Variants in VIPR2 observed in about 807,000 individuals in gnomAD.
VIPR2 encodes vasoactive intestinal polypeptide receptor 2.
A neutral mutation model predicts 58.0 loss-of-function variants in VIPR2; 48 were observed. That is an observed-to-expected ratio of 0.83 (90% CI 0.66 to 1.05). The LOEUF (loss-of-function observed/expected upper bound fraction) is 1.05, where lower values mean the gene tolerates loss of function less well. Among genes scored for constraint, VIPR2 ranks in the 50% least tolerant of loss-of-function variants. VIPR2 has a pLI of 0.00. For synonymous variants in VIPR2, 243 were observed against 235.2 expected (o/e 1.03, Z -0.30); for missense variants, 534 against 558.0 (o/e 0.96, Z 0.43).
At chr7:159,059,490 C>A in intron 4 of VIPR2, 1 of 371,166 alleles carries the variant, frequency 2.7e-6, no homozygotes, top group South Asian at 2.1e-5. Context: ...AGGCAAAACT[C>A]AGAAAGTTAT....
chr7:159,112,743 C>CGGGA (rs1398322652), intron 2 of VIPR2, among the ~76,000 whole-genome samples: 1 of 137,978 alleles, frequency 7.2e-6, no homozygotes, highest in East Asian at 2.3e-4. Context: ...CTACCTGGGA[C>CGGGA]CGACCCTGAC....
rs2129492675 is a variant in VIPR2, at chr7:159,031,060, A to G, written c.1144-271T>C. Among the ~76,000 whole-genome samples the G allele has an allele frequency of 6.6e-6, 1 of 152,304 alleles. No individual in the cohort carries two copies. Among genetic ancestry groups the G allele is most frequent in the South Asian group, 2.1e-4 (1 of 4,826 alleles). On this transcript the variant is annotated intron_variant, in intron 12 of 12. Transcript: ENST00000262178. This position sits in a 1 kb window ranked among gnomAD's most constrained non-coding sequence, Gnocchi z 4.0. ...CCACTGCCGCGGTAAGCGCAGTCCC[A>G]CAGTCTCAGATAGTTAATATTTCTC...
Position 159,090,009 on chromosome 7 carries a change from GGATCACGCACAGGGGCCACCTCTTGT to G in VIPR2, c.357+13722_357+13747del. On this transcript the variant is annotated intron_variant, in intron 4 of 12. Coordinates refer to ENST00000262178, the MANE Select transcript of VIPR2 (RefSeq NM_003382.5). The stretch of plus-strand genomic sequence containing the variant: ...GGAGACACTTAGCACAGACATGCTG[GGATCACGCACAGGGGCCACCTCTTGT>G]GACCATCACAATCCCCGGTGACCTC... Among the ~76,000 whole-genome samples the G allele has an allele frequency of 3.9e-5, 6 of 152,348 alleles. 1 individual carries two copies. Among genetic ancestry groups the G allele is most frequent in the African/African-American group, 9.6e-5 (4 of 41,576 alleles).
intron 2 of VIPR2, among the ~76,000 whole-genome samples, chr7:159,134,858 C>T (rs1001062583): frequency 2.6e-5 from 4 of 151,862 alleles, no homozygotes; most frequent in African/African-American, 9.7e-5. Flanking sequence ...GGGGTCTCAC[C>T]GTGTTAGCCA....
rs375459402 is a variant in VIPR2 at position 159,030,383 on chromosome 7, T to C, written c.*233A>G. 2 of 441,230 alleles carry C rather than the reference T, an allele frequency of 4.5e-6. No homozygotes were observed. Among genetic ancestry groups the C allele is most frequent in the African/African-American group, 2.1e-5 (1 of 48,194 alleles). 27.3% of individuals were successfully genotyped at this position (441,230 alleles called of 1,614,324 possible). A position where few individuals can be genotyped will look rare whatever the true frequency, so the allele number is the denominator to read the frequency against. Reference sequence around the variant, plus strand: ...AAAAAAAGTGGATCCACTATACGGCTGAAACACATTTTGCACAAGATTATC... The same window carrying C: ...AAAAAAAGTGGATCCACTATACGGCCGAAACACATTTTGCACAAGATTATC... On this transcript the variant is annotated 3_prime_UTR_variant, in exon 13 of 13. Transcript: ENST00000262178.
intron 2 of VIPR2, 74 bp from the exon 3 acceptor site, chr7:159,109,993 A>G: frequency 1.4e-6 from 2 of 1,427,582 alleles, no homozygotes; most frequent in Non-Finnish European, 1.9e-6. Context: ...CATTAATGAG[A>G]TAACTGCCTC....
intron 2 of VIPR2, among the ~76,000 whole-genome samples, chr7:159,140,892 T>C (rs948325867): frequency 6.6e-6 from 1 of 152,092 alleles, no homozygotes; most frequent in African/African-American, 2.4e-5. Context: ...AGGGTCCAGC[T>C]ACCGTGCAGA....
At chr7:159,076,122 C>T (rs1340685617) in intron 4 of VIPR2, among the ~76,000 whole-genome samples, 1 of 152,168 alleles carries the variant, frequency 6.6e-6, no homozygotes, top group African/African-American at 2.4e-5. Context: ...AGATGGGTTC[C>T]ACCTGGTCCA....
intron 2 of VIPR2, among the ~76,000 whole-genome samples, chr7:159,131,879 C>A (rs967204285): frequency 2.6e-5 from 4 of 152,200 alleles, no homozygotes; most frequent in Non-Finnish European, 5.9e-5. Flanking sequence ...TTAACCTGAG[C>A]CATTTCTTGT....
At chr7:159,032,781 T>G (rs2730221) in intron 10 of VIPR2, among the ~76,000 whole-genome samples, 1 of 151,978 alleles carries the variant, frequency 6.6e-6, no homozygotes, top group African/African-American at 2.4e-5. Flanking sequence ...ATCTCCAAGT[T>G]CAATTTAACA....
chr7:159,051,400 AG>A (rs1854997805), intron 5 of VIPR2, among the ~76,000 whole-genome samples: 1 of 152,202 alleles, frequency 6.6e-6, no homozygotes, highest in African/African-American at 2.4e-5. Context: ...GACAACTAGA[AG>A]AATAGTAACA....
At chr7:159,104,739 C>T (rs1858543221) in intron 3 of VIPR2, among the ~76,000 whole-genome samples, 1 of 143,592 alleles carries the variant, frequency 7.0e-6, no homozygotes, top group South Asian at 2.3e-4. Context: ...GGTGCCCCAC[C>T]CAGTTCCTGA....
intron 2 of VIPR2, among the ~76,000 whole-genome samples, chr7:159,142,224 C>T (rs569672892): frequency 6.6e-6 from 1 of 152,316 alleles, no homozygotes; most frequent in East Asian, 1.9e-4. Context: ...ACTGTTACTG[C>T]TAAGGATTAA....
chr7:159,094,565 T>G (rs1013363294), intron 4 of VIPR2, among the ~76,000 whole-genome samples: 24 of 152,328 alleles, frequency 1.6e-4, no homozygotes, highest in Admixed American at 1.6e-3. Flanking sequence ...GAGAAGAGTG[T>G]GCACTGCTGT....
At chr7:159,091,493 C>T (rs985410842) in intron 4 of VIPR2, among the ~76,000 whole-genome samples, 20 of 152,218 alleles carry the variant, frequency 1.3e-4, no homozygotes, top group Non-Finnish European at 1.8e-4. Context: ...ATTTTTATAA[C>T]GGAAGGGATG....
rs149596367 is a variant in VIPR2, at chr7:159,053,561, A to G, written c.455+4920T>C. On this transcript the variant is annotated intron_variant, in intron 5 of 12. Coordinates refer to ENST00000262178, the MANE Select transcript of VIPR2 (RefSeq NM_003382.5). ...TTTTTGTTTTTTTTGTTTTTTTGAG[A>G]GAAATGGTCTTGCTCTGTTGCCCAG... 7.1e-3 allele frequency among the ~76,000 whole-genome samples: 1,081 copies of G among 152,208 alleles called. 12 individuals are homozygous for G. Among genetic ancestry groups the G allele is most frequent in the African/African-American group, 0.025 (1,022 of 41,530 alleles).
intron 7 of VIPR2, 33 bp downstream of exon 7, chr7:159,036,719 G>A (rs781402383): frequency 1.3e-6 from 2 of 1,597,454 alleles, no homozygotes; most frequent in Non-Finnish European, 8.6e-7. Flanking sequence ...GGGATGGGAT[G>A]GAGGGTTTGT....
chr7:159,107,053 A>G (rs1162885862), intron 3 of VIPR2, among the ~76,000 whole-genome samples: 1 of 152,138 alleles, frequency 6.6e-6, no homozygotes, highest in Non-Finnish European at 1.5e-5. Context: ...GCCCACTTGC[A>G]GGATGACGAA....
chr7:159,101,900 G>A (rs372669965), intron 4 of VIPR2, among the ~76,000 whole-genome samples: 6 of 141,792 alleles, frequency 4.2e-5, no homozygotes, highest in Middle Eastern at 4.6e-3. Context: ...CGGGTCTCAC[G>A]AGATCCGACG....
Sources: allele counts gnomAD v4.1 joint callset (sites outside exome capture counted in the v4.1 genomes callset), GRCh38; gene constraint gnomAD v4.1.1; non-coding constraint Gnocchi (gnomAD v3.1); transcripts MANE v1.5; gene names NCBI Gene and HGNC (gene_info 2026-07-23, HGNC 2026-07-21).